Variants in LRP12 observed in about 807,000 individuals in gnomAD.
The protein encoded by LRP12 is low-density lipoprotein receptor-related protein 12.
In LRP12, 14 loss-of-function variants were observed where a neutral mutation model predicts 66.0. The ratio of observed to expected loss-of-function variants is 0.21; its 90% CI spans 0.14 to 0.33. LRP12 has a LOEUF of 0.33. Ranked by LOEUF, LRP12 falls within the 10% of genes least tolerant of loss-of-function variation. The pLI is 1.00. For missense variants in LRP12, 889 were observed against 1,053.4 expected, an observed-to-expected ratio of 0.84 and a Z score of 2.16; for synonymous variants, 357 against 359.1, an observed-to-expected ratio of 0.99 and a Z score of 0.07.
intron 1 of LRP12, among the ~76,000 whole-genome samples, chr8:104,564,738 C>A (rs895278967): frequency 6.6e-6 from 1 of 151,994 alleles, no homozygotes; most frequent in African/African-American, 2.4e-5. Context: ...TGAGGCCAGC[C>A]TTGCCAACAC....
chr8:104,581,202 A>G (rs772993908), intron 1 of LRP12, among the ~76,000 whole-genome samples: 1 of 152,214 alleles, frequency 6.6e-6, no homozygotes, highest in South Asian at 2.1e-4. Flanking sequence ...CAAATGCTGC[A>G]TGTTCTCACT....
At chr8:104,578,126 GA>G (rs1003173967) in intron 1 of LRP12, among the ~76,000 whole-genome samples, 1 of 148,944 alleles carries the variant, frequency 6.7e-6, no homozygotes, top group South Asian at 2.1e-4. Context: ...TTTTTTTTTT[GA>G]AAAAATTAAT....
At chr8:104,535,504 ATATAT>A (rs1811381252) in intron 1 of LRP12, among the ~76,000 whole-genome samples, 1 of 151,958 alleles carries the variant, frequency 6.6e-6, no homozygotes, top group African/African-American at 2.4e-5. Context: ...GTCTTCTTTT[ATATAT>A]TTCTGTCCTT....
chr8:104,492,854 AAAAAAG>A (rs1241611441), intron 6 of LRP12, among the ~76,000 whole-genome samples: 1 of 152,118 alleles, frequency 6.6e-6, no homozygotes, highest in Non-Finnish European at 1.5e-5. Context: ...AAATTAAAAA[AAAAAAG>A]AAAAAGAAAA....
At chr8:104,553,610 C>A (rs990705257) in intron 1 of LRP12, among the ~76,000 whole-genome samples, 1 of 152,166 alleles carries the variant, frequency 6.6e-6, no homozygotes, top group Non-Finnish European at 1.5e-5. Flanking sequence ...AGAGTTTGAG[C>A]TCGGCCACAC....
chr8:104,551,607 G>A (rs1240765929), intron 1 of LRP12, among the ~76,000 whole-genome samples: 5 of 152,114 alleles, frequency 3.3e-5, no homozygotes, highest in Non-Finnish European at 5.9e-5. Flanking sequence ...GAGAATATGC[G>A]ATATTTGGTT....
At chr8:104,528,754 A>AACAGAG (rs1401102900) in intron 2 of LRP12, among the ~76,000 whole-genome samples, 1 of 151,702 alleles carries the variant, frequency 6.6e-6, no homozygotes, top group Non-Finnish European at 1.5e-5. Context: ...CAGCCTGGCC[A>AACAGAG]ACAGAGAGAG....
At chr8:104,560,574 A>G (rs1564145299) in intron 1 of LRP12, among the ~76,000 whole-genome samples, 5 of 152,154 alleles carry the variant, frequency 3.3e-5, no homozygotes, top group Admixed American at 3.3e-4. Flanking sequence ...CTTGAGATCA[A>G]TTTGTCTTTG....
At chr8:104,530,505 G>T (rs961390498) in intron 2 of LRP12, among the ~76,000 whole-genome samples, 1 of 152,188 alleles carries the variant, frequency 6.6e-6, no homozygotes, top group African/African-American at 2.4e-5. Context: ...GCCAGGAAAA[G>T]AGGTCTCACC....
intron 3 of LRP12, chr8:104,507,119 T>A (rs1340327453): frequency 1.3e-5 from 2 of 152,194 alleles, no homozygotes; most frequent in African/African-American, 4.8e-5. Context: ...ATTATGCATA[T>A]GATTCTTTTG....
intron 1 of LRP12, among the ~76,000 whole-genome samples, chr8:104,576,092 A>C (rs1034403059): frequency 1.1e-4 from 17 of 152,192 alleles, no homozygotes; most frequent in African/African-American, 4.1e-4. Flanking sequence ...ATAGGAACAA[A>C]CAAAACCTCT....
intron 1 of LRP12, among the ~76,000 whole-genome samples, chr8:104,582,825 T>C (rs764334174): frequency 6.6e-6 from 1 of 152,170 alleles, no homozygotes; most frequent in Non-Finnish European, 1.5e-5. Flanking sequence ...TTCTACTGAA[T>C]TGAGGGAACA....
chr8:104,588,160 G>C (rs911219896), intron 1 of LRP12, among the ~76,000 whole-genome samples: 3 of 152,196 alleles, frequency 2.0e-5, no homozygotes, highest in Admixed American at 2.0e-4. Flanking sequence ...TAGGAGTCAG[G>C]ACAGATGTGT....
At chr8:104,569,419 A>C (rs1812047632) in intron 1 of LRP12, among the ~76,000 whole-genome samples, 1 of 152,172 alleles carries the variant, frequency 6.6e-6, no homozygotes, top group African/African-American at 2.4e-5. Context: ...TTCATCATTT[A>C]AAATTGTTAT....
At chr8:104,548,914 GACA>G (rs934905272) in intron 1 of LRP12, among the ~76,000 whole-genome samples, 1 of 149,932 alleles carries the variant, frequency 6.7e-6, no homozygotes, top group Non-Finnish European at 1.5e-5. Context: ...CTCCAGCCTG[GACA>G]ACAAGAGCAA....
intron 5 of LRP12, chr8:104,495,482 G>A: frequency 3.3e-6 from 1 of 302,616 alleles, no homozygotes. Context: ...GGTAAAGGGA[G>A]AAATAATACA....
chr8:104,577,105 A>G (rs1812176492), intron 1 of LRP12, among the ~76,000 whole-genome samples: 1 of 152,184 alleles, frequency 6.6e-6, no homozygotes, highest in Non-Finnish European at 1.5e-5. Context: ...AGAGACCTTC[A>G]AAGAGACTTA....
chr8:104,556,604 A>G (rs1464604040), intron 1 of LRP12, among the ~76,000 whole-genome samples: 1 of 152,198 alleles, frequency 6.6e-6, no homozygotes, highest in Non-Finnish European at 1.5e-5. Flanking sequence ...AATAACAAGC[A>G]GCAAGGCTGA....
intron 1 of LRP12, among the ~76,000 whole-genome samples, chr8:104,576,055 G>A (rs932395641): frequency 6.6e-6 from 1 of 152,096 alleles, no homozygotes; most frequent in Non-Finnish European, 1.5e-5. Flanking sequence ...AAACAAGATA[G>A]TCAGACAAGA....
Sources: gnomAD v4.1 joint callset for allele counts (sites outside exome capture counted in the v4.1 genomes callset) on GRCh38, gnomAD v4.1.1 for gene constraint, MANE v1.5 for transcripts, NCBI Gene and HGNC (gene_info 2026-07-23, HGNC 2026-07-21) for gene names.